The following PCDHA2 variants were observed in gnomAD, a reference collection of about 807,000 sequenced individuals.
PCDHA2 encodes the protein protocadherin alpha-2.
In PCDHA2, 58 loss-of-function variants were observed where a neutral mutation model predicts 66.0. The ratio of observed to expected loss-of-function variants is 0.88; its 90% confidence interval spans 0.71 to 1.09. The LOEUF (loss-of-function observed/expected upper bound fraction) is 1.09. PCDHA2 is among the 50% of genes least tolerant of loss of function. PCDHA2 has a pLI of 0.00. For synonymous variants in PCDHA2, 634 were observed against 554.0 expected (o/e 1.14, Z -2.03); for missense variants, 1,267 against 1,242.3 (o/e 1.02, Z -0.30).
chr5:140,996,372 G>A (rs898606404), intron 3 of PCDHA2, among the ~76,000 whole-genome samples: 1 of 152,180 alleles, frequency 6.6e-6, no homozygotes, highest in Non-Finnish European at 1.5e-5. Context: ...TTTTGTTGTC[G>A]GCTGAAATAA....
intron 1 of PCDHA2, chr5:140,877,061 T>A (rs2056822485): frequency 3.1e-6 from 5 of 1,612,978 alleles, no homozygotes; most frequent in African/African-American, 1.3e-5. Flanking sequence ...GAGCTGGAGC[T>A]GCTGCAGTTC....
intron 1 of PCDHA2, chr5:140,882,737 G>A (rs1375859660): frequency 6.2e-7 from 1 of 1,614,090 alleles, no homozygotes; most frequent in Admixed American, 1.7e-5. Flanking sequence ...ACTAGATGGC[G>A]CATCCGATGC....
At chr5:140,848,357 T>G in intron 1 of PCDHA2, 2 of 1,035,378 alleles carry the variant, frequency 1.9e-6, no homozygotes, top group Non-Finnish European at 2.9e-6. Flanking sequence ...CCTTTTCCCA[T>G]GGGAAAGAGG....
intron 1 of PCDHA2, among the ~76,000 whole-genome samples, chr5:140,874,484 G>A (rs1438670057): frequency 6.6e-6 from 1 of 152,190 alleles, no homozygotes; most frequent in African/African-American, 2.4e-5. Context: ...AAAGCAAAAG[G>A]TTGATATCAA....
chr5:140,838,077 AGTGTGTGTGT>A (rs57130401), intron 1 of PCDHA2, among the ~76,000 whole-genome samples: 3,081 of 80,626 alleles, frequency 0.038, 55 homozygotes, highest in African/African-American at 0.095. Context: ...ATATATATAT[AGTGTGTGTGT>A]GTGTGTGTGT....
At position 140,808,686 on chromosome 5, in the gene PCDHA2, G is replaced by A. The variant is rs1764236381; in HGVS notation, c.2388+11334G>A. 2.5e-6 allele frequency: 4 copies of A among 1,612,280 alleles called. No homozygotes were observed. The South Asian group carries it at 3.3e-5, about 13-fold the overall frequency. Reference sequence around the variant, plus strand: ...TACTCGCTGGTAGAGCGGCGGGTAGGGGAGCGCGCGCTGTCGAGCTACGTT... The same window carrying A: ...TACTCGCTGGTAGAGCGGCGGGTAGAGGAGCGCGCGCTGTCGAGCTACGTT... On this transcript the variant is annotated intron_variant, in intron 1 of 3. Transcript: ENST00000526136.
chr5:140,984,712 G>A (rs2097116348), intron 3 of PCDHA2, among the ~76,000 whole-genome samples: 1 of 152,096 alleles, frequency 6.6e-6, no homozygotes, highest in Non-Finnish European at 1.5e-5. Context: ...AGGGAATATG[G>A]CATAAAGATT....
intron 1 of PCDHA2, chr5:140,876,536 T>C (rs782148318): frequency 1.2e-6 from 2 of 1,614,238 alleles, no homozygotes; most frequent in Non-Finnish European, 1.7e-6. Context: ...GTTACTTCAC[T>C]GTCGCTCCCT....
intron 1 of PCDHA2, chr5:140,876,854 C>CA (rs1554169042): frequency 6.2e-7 from 1 of 1,613,994 alleles, no homozygotes; most frequent in Non-Finnish European, 8.5e-7. Context: ...CCCGAGTACA[C>CA]AGTGTTCGTG....
intron 1 of PCDHA2, among the ~76,000 whole-genome samples, chr5:140,956,385 T>C (rs1313427005): frequency 6.6e-6 from 1 of 152,198 alleles, no homozygotes; most frequent in Non-Finnish European, 1.5e-5. Flanking sequence ...ATCGAAGGCC[T>C]TTTCTGAATC....
chr5:140,838,447 G>A (rs2150289486), intron 1 of PCDHA2, among the ~76,000 whole-genome samples: 2 of 151,510 alleles, frequency 1.3e-5, no homozygotes, highest in South Asian at 4.2e-4. Flanking sequence ...GGGTTTTGTG[G>A]CATATTATTT....
chr5:140,912,500 T>C (rs1554195386), intron 1 of PCDHA2, among the ~76,000 whole-genome samples: 1 of 152,204 alleles, frequency 6.6e-6, no homozygotes, highest in Non-Finnish European at 1.5e-5. Flanking sequence ...TAGGAGCTTT[T>C]TGGATGAATC....
intron 1 of PCDHA2, among the ~76,000 whole-genome samples, chr5:140,930,790 A>G (rs155822): frequency 0.047 from 7,177 of 152,302 alleles, 299 homozygotes; most frequent in African/African-American, 0.11. Context: ...ACAATATAAT[A>G]GAATCCAGCA....
chr5:140,870,933 G>T, intron 1 of PCDHA2: 1 of 1,613,802 alleles, frequency 6.2e-7, no homozygotes, highest in Non-Finnish European at 8.5e-7. Flanking sequence ...CATATGAATT[G>T]CAGCCGGCGG....
chr5:141,006,282 G>A (rs2098265578), intron 3 of PCDHA2, among the ~76,000 whole-genome samples: 1 of 151,970 alleles, frequency 6.6e-6, no homozygotes, highest in Non-Finnish European at 1.5e-5. Context: ...CACGATCTCA[G>A]CTCACTGCAA....
intron 1 of PCDHA2, chr5:140,807,718 C>A: frequency 6.2e-7 from 1 of 1,614,230 alleles, no homozygotes; most frequent in Non-Finnish European, 8.5e-7. Context: ...CAAATGAATA[C>A]TTTTCTCTGG....
chr5:140,815,100 G>A (rs1368331732), intron 1 of PCDHA2: 1 of 151,938 alleles, frequency 6.6e-6, no homozygotes, highest in Non-Finnish European at 1.5e-5. Context: ...CAAATCTCTT[G>A]TAGTTAGCAT....
chr5:140,829,028 G>A, intron 1 of PCDHA2: 1 of 1,613,544 alleles, frequency 6.2e-7, no homozygotes, highest in East Asian at 2.2e-5. Flanking sequence ...TTTTGAACAA[G>A]AAAACTTATA....
chr5:140,830,745 T>G (rs1375923138), intron 1 of PCDHA2: 1 of 192,554 alleles, frequency 5.2e-6, no homozygotes, highest in Non-Finnish European at 1.1e-5. Context: ...TGTCGTTTTC[T>G]GTTGCATTTT....
Sources: allele counts gnomAD v4.1 joint callset (sites outside exome capture counted in the v4.1 genomes callset), GRCh38; gene constraint gnomAD v4.1.1; transcripts MANE v1.5; gene names NCBI Gene and HGNC (gene_info 2026-07-23, HGNC 2026-07-21).